Variants in CRTC2 observed in about 807,000 individuals in gnomAD.
CRTC2 encodes the protein CREB-regulated transcription coactivator 2.
Under a neutral mutation model 70.9 loss-of-function variants are expected in CRTC2, and 25 were observed. That is an observed-to-expected ratio of 0.35 (90% CI 0.26 to 0.49). The LOEUF (loss-of-function observed/expected upper bound fraction) is 0.49. Among genes scored for constraint, CRTC2 ranks in the 20% least tolerant of loss-of-function variants. The pLI is 0.98. For missense variants in CRTC2, 737 were observed against 882.6 expected (o/e 0.83, Z 2.09); for synonymous variants, 330 against 364.1 (o/e 0.91, Z 1.07).
rs1680151385 is a variant in CRTC2 at position 153,948,616 on chromosome 1, G to A, written c.1703C>T (p.Ser568Leu). 4 of 1,593,540 alleles carry A rather than the reference G, an allele frequency of 2.5e-6. No homozygotes were observed. Among genetic ancestry groups the A allele is most frequent in the East Asian group, 2.2e-5 (1 of 44,822 alleles). Reference sequence around the variant, plus strand: ...AGGGGGATCCAGCACCAGGCTGGCTGATGGGCTCTCCATGCTGAACTGCTC... The same window carrying A: ...AGGGGGATCCAGCACCAGGCTGGCTAATGGGCTCTCCATGCTGAACTGCTC... ...NLEQFSMESPSASLVLDPPGF... is the reference protein window; with the variant it reads ...NLEQFSMESPLASLVLDPPGF... The change falls in exon 13 of 14, where the codon TCA becomes TTA. Residue 568 changes from serine to leucine, a missense_variant. Coordinates refer to ENST00000368633, the MANE Select transcript of CRTC2 (RefSeq NM_181715.3).
chr1:153,958,318 C>T (rs1680749543), intron 1 of CRTC2, 27 bp downstream of exon 1: 1 of 1,606,422 alleles, frequency 6.2e-7, no homozygotes, highest in African/African-American at 1.3e-5. Flanking sequence ...CTCAGCTCTG[C>T]TCCGGCTCCC....
Position 153,958,522 on chromosome 1 carries a change from A to G in CRTC2, c.-25T>C, listed in dbSNP as rs762048333. 32 of 1,579,754 alleles carry G rather than the reference A, an allele frequency of 2.0e-5. No individual in the cohort carries two copies. Among genetic ancestry groups the G allele is most frequent in the Non-Finnish European group, 2.7e-5 (31 of 1,163,036 alleles). On this transcript the variant is annotated 5_prime_UTR_variant, in exon 1 of 14. Coordinates refer to ENST00000368633, the MANE Select transcript of CRTC2 (RefSeq NM_181715.3). Reference sequence around the variant, plus strand: ...TCTTCCTTCCCCGTCCCTCCCTGCCACCCTCCCAGTACCAGCCGCGGCCTC... The same window carrying G: ...TCTTCCTTCCCCGTCCCTCCCTGCCGCCCTCCCAGTACCAGCCGCGGCCTC...
intron 7 of CRTC2, 83 bp from the exon 8 acceptor site, chr1:153,952,718 G>A: frequency 4.4e-6 from 7 of 1,600,394 alleles, no homozygotes; most frequent in Non-Finnish European, 3.4e-6. Context: ...GTGGGAAGGA[G>A]TCCTGCTCCC....
intron 12 of CRTC2, 74 bp from the exon 13 acceptor site, chr1:153,948,718 C>T: frequency 6.6e-7 from 1 of 1,520,934 alleles, no homozygotes; most frequent in Non-Finnish European, 9.0e-7. Context: ...CTAACATATC[C>T]CCTTTGCCCA....
At chr1:153,955,394 T>G (rs1166455302) in intron 1 of CRTC2, among the ~76,000 whole-genome samples, 1 of 151,770 alleles carries the variant, frequency 6.6e-6, no homozygotes, top group Non-Finnish European at 1.5e-5. Context: ...CGTGAAACCC[T>G]GTCTCTACTA....
rs747030449 is a variant in CRTC2, at chr1:153,951,492, G to A, written c.1172C>T (p.Ser391Leu). Residue 391 changes from serine (S) to leucine (L), a missense_variant, in exon 11 of 14, where the codon TCA becomes TTA. Ser to Leu is a moderately radical substitution (Grantham distance 145). Transcript: ENST00000368633. Reference sequence around the variant, plus strand: ...GGAGGAGAGAGCCGGAGCACTGAGTGAGGGGTGGCCCAGGGAGGTGGTGGG... The same window carrying A: ...GGAGGAGAGAGCCGGAGCACTGAGTAAGGGGTGGCCCAGGGAGGTGGTGGG... ...VLPTTSLGHP[S>L]LSAPALSSSS... The A allele has an allele frequency of 6.2e-7, 1 of 1,601,368 alleles. No individual in the cohort carries two copies. The highest frequency in any genetic ancestry group is 8.5e-7 in the Non-Finnish European group (1 of 1,173,862).
At position 153,952,379 on chromosome 1, in the gene CRTC2, AC is replaced by A. The variant is rs768958403; in HGVS notation, c.752+17del. On this transcript the variant is annotated intron_variant, in intron 9 of 13. Transcript: ENST00000368633. ...ACTTCCTTCCCCCACCTCTCAGCCA[AC>A]CTCAGGGAGTACTTACTTAATTCCA... 4.3e-6 allele frequency: 7 copies of A among 1,613,812 alleles called. No homozygotes were observed. The South Asian group carries it at 6.6e-5, about 15-fold the overall frequency.
intron 1 of CRTC2, 32 bp downstream of exon 1, chr1:153,958,313 C>T (rs778008246): frequency 1.9e-6 from 3 of 1,604,584 alleles, no homozygotes; most frequent in East Asian, 2.3e-5. Context: ...AACTGCTCAG[C>T]TCTGCTCCGG....
rs1475108852 is a variant in CRTC2, at chr1:153,949,120, C to T, written c.1669G>A (p.Gly557Arg). ...YHRPMSDFNL[G>R]NLEQFSMESP... ...CAAGGAGCCTGAGTACTCACATTCC[C>T]CAGGTTGAAGTCACTCATTGGCCGG... The change falls in exon 12 of 14, where the codon GGG becomes AGG. Residue 557 changes from glycine (G) to arginine (R), a missense_variant. Gly to Arg is a moderately radical substitution (Grantham distance 125). Transcript: ENST00000368633. 1.2e-6 allele frequency: 2 copies of T among 1,606,336 alleles called. No homozygotes were observed. The highest frequency in any genetic ancestry group is 2.2e-5 in the East Asian group (1 of 44,810).
rs748252833 is a variant in CRTC2 at position 153,952,406 on chromosome 1, G to A, written c.743C>T (p.Pro248Leu). The A allele has an allele frequency of 3.1e-6, 5 of 1,614,188 alleles. No homozygotes were observed. The South Asian group carries it at 5.5e-5, about 18-fold the overall frequency. The change falls in exon 9 of 14, where the codon CCT becomes CTT. Residue 248 changes from proline (P) to leucine (L), a missense_variant. Around this residue, in one of 3 missense-constraint regions of CRTC2, gnomAD observed 699 missense variants for 823.7 expected, o/e 0.85. Transcript: ENST00000368633. ...SSSRPRSCEVPGINIFPSPDQ... is the reference protein window; with the variant it reads ...SSSRPRSCEVLGINIFPSPDQ... ...CTCAGGGAGTACTTACTTAATTCCAGGGACTTCACAGGACCGAGGTCGGGA... is the reference window on the plus strand; with the variant it reads ...CTCAGGGAGTACTTACTTAATTCCAAGGACTTCACAGGACCGAGGTCGGGA...
chr1:153,957,526 A>C (rs1339088328), intron 1 of CRTC2, among the ~76,000 whole-genome samples: 1 of 152,158 alleles, frequency 6.6e-6, no homozygotes, highest in Admixed American at 6.5e-5. Context: ...CTTCAGAGGC[A>C]GCCTGGCAGA....
intron 3 of CRTC2, 41 bp downstream of exon 3, chr1:153,954,832 C>T: frequency 3.9e-6 from 6 of 1,555,924 alleles, no homozygotes; most frequent in Non-Finnish European, 5.3e-6. Flanking sequence ...AACCCCATCC[C>T]ACTACCTTTC....
At chr1:153,949,831 C>G (rs1312663322) in intron 11 of CRTC2, among the ~76,000 whole-genome samples, 2 of 149,862 alleles carry the variant, frequency 1.3e-5, no homozygotes, top group Non-Finnish European at 3.0e-5. Context: ...GCCTGGGCAA[C>G]AGAGCGAGAC....
At chr1:153,957,968 A>G (rs936049357) in intron 1 of CRTC2, 3 of 984,002 alleles carry the variant, frequency 3.0e-6, no homozygotes, top group South Asian at 2.6e-5. Flanking sequence ...GTTACAGACA[A>G]GCAGCCCTCC....
rs1296122581 is a variant in CRTC2, at chr1:153,954,917, C to T, written c.328G>A (p.Asp110Asn). The T allele has an allele frequency of 3.1e-6, 5 of 1,614,014 alleles. No individual in the cohort carries two copies. Among genetic ancestry groups the T allele is most frequent in the East Asian group, 2.2e-5 (1 of 44,892 alleles). The stretch of plus-strand genomic sequence containing the variant: ...AGTGGGGACACCATTCTTCGAGGAT[C>T]TCGCTGCACCCGTTCCACCAGCCCA... ...HHGLVERVQR[D>N]PRRMVSPLRR... Residue 110 changes from aspartate to asparagine, a missense_variant, in exon 3 of 14, where the codon GAT becomes AAT. Physicochemically the swap from Asp to Asn is conservative, Grantham distance 23 (BLOSUM62 1). Transcript: ENST00000368633.
chr1:153,957,620 C>G (rs1163464932), intron 1 of CRTC2, among the ~76,000 whole-genome samples: 2 of 152,088 alleles, frequency 1.3e-5, no homozygotes, highest in African/African-American at 4.8e-5. Context: ...CACACTAACC[C>G]ACAAAGCAGC....
chr1:153,957,244 G>T (rs551304224), intron 1 of CRTC2, among the ~76,000 whole-genome samples: 1 of 152,066 alleles, frequency 6.6e-6, no homozygotes, highest in South Asian at 2.1e-4. Context: ...AGTCAAGGGG[G>T]ATACACACAA....
chr1:153,947,746 T>C lies in CRTC2; in HGVS notation c.*363A>G. 4.2e-6 allele frequency: 1 copy of C among 237,506 alleles called. No individual in the cohort carries two copies. Among genetic ancestry groups the C allele is most frequent in the South Asian group, 6.8e-5 (1 of 14,786 alleles). 14.7% of individuals were successfully genotyped at this position (237,506 alleles called of 1,614,324 possible). A position where few individuals can be genotyped will look rare whatever the true frequency, so the allele number is the denominator to read the frequency against. On this transcript the variant is annotated 3_prime_UTR_variant, in exon 14 of 14. Coordinates refer to ENST00000368633, the MANE Select transcript of CRTC2 (RefSeq NM_181715.3). ...AATAGTATCCACTCTGGCTCTCTCC[T>C]CCACTGCAAGGGGAAGAGTGGTGAG...
intron 6 of CRTC2, 81 bp downstream of exon 6, chr1:153,953,185 A>AAAAG: frequency 1.3e-6 from 1 of 770,954 alleles, no homozygotes; most frequent in Non-Finnish European, 1.9e-6. Context: ...TCCGTCTCAA[A>AAAAG]AAAGAAAGAA....
Sources: allele counts gnomAD v4.1 joint callset (sites outside exome capture counted in the v4.1 genomes callset), GRCh38; gene constraint gnomAD v4.1.1; regional missense constraint gnomAD v4.1.1; transcripts MANE v1.5; gene names NCBI Gene and HGNC (gene_info 2026-07-23, HGNC 2026-07-21).